The following PTPN9 variants were observed in gnomAD, a reference collection of about 807,000 sequenced individuals.
The protein encoded by PTPN9 is protein tyrosine phosphatase non-receptor type 9, also known as tyrosine-protein phosphatase non-receptor type 9.
Under a neutral mutation model 69.8 loss-of-function variants are expected in PTPN9, and 26 were observed. The observed-to-expected ratio is 0.37, with a 90% CI of 0.27 to 0.52. The LOEUF (loss-of-function observed/expected upper bound fraction) is 0.52. PTPN9 is among the 20% of genes least tolerant of loss of function. The pLI is 0.91. For missense variants in PTPN9, 549 were observed against 740.3 expected (o/e 0.74, Z 3.00); for synonymous variants, 274 against 272.5 (o/e 1.01, Z -0.05).
chr15:75,497,153 G>A (rs1299840378), intron 7 of PTPN9, among the ~76,000 whole-genome samples: 1 of 152,104 alleles, frequency 6.6e-6, no homozygotes, highest in South Asian at 2.1e-4. Flanking sequence ...ATGCGGATTA[G>A]AAGGAATTTC....
At chr15:75,520,383 T>C (rs2074896518) in intron 4 of PTPN9, among the ~76,000 whole-genome samples, 1 of 152,052 alleles carries the variant, frequency 6.6e-6, no homozygotes, top group Admixed American at 6.6e-5. Context: ...GTGCTCATCC[T>C]GTGAAGGCAC....
intron 1 of PTPN9, among the ~76,000 whole-genome samples, chr15:75,574,668 C>T (rs1371173589): frequency 6.6e-6 from 1 of 151,824 alleles, no homozygotes; most frequent in Non-Finnish European, 1.5e-5. Flanking sequence ...GAGCCAGGCG[C>T]GGTGGCTCAC....
chr15:75,571,568 G>C (rs1020553412), intron 1 of PTPN9, among the ~76,000 whole-genome samples: 2 of 151,970 alleles, frequency 1.3e-5, no homozygotes, highest in South Asian at 2.1e-4. Context: ...GACCAGCCTG[G>C]GCAACATAGT....
At chr15:75,487,430 G>A (rs576606673) in intron 8 of PTPN9, 3 of 152,138 alleles carry the variant, frequency 2.0e-5, no homozygotes, top group South Asian at 4.1e-4. Flanking sequence ...TAAGGAGAGG[G>A]ACTACAAATC....
At chr15:75,525,456 A>G (rs2074923337) in intron 2 of PTPN9, among the ~76,000 whole-genome samples, 1 of 151,186 alleles carries the variant, frequency 6.6e-6, no homozygotes. Context: ...GGCCTCCCAA[A>G]GTGCTGGGAT....
intron 5 of PTPN9, among the ~76,000 whole-genome samples, chr15:75,516,581 A>C (rs981011011): frequency 6.7e-6 from 1 of 149,134 alleles, no homozygotes; most frequent in African/African-American, 2.5e-5. Context: ...CAAAGTGCTG[A>C]GATTACTGGT....
chr15:75,511,984 G>A (rs1280483745), intron 5 of PTPN9, among the ~76,000 whole-genome samples: 2 of 151,340 alleles, frequency 1.3e-5, no homozygotes, highest in African/African-American at 2.4e-5. Flanking sequence ...CTGGGATTAC[G>A]GGCGTGTGCC....
At chr15:75,534,879 G>A (rs374843158) in intron 1 of PTPN9, among the ~76,000 whole-genome samples, 13 of 151,978 alleles carry the variant, frequency 8.6e-5, no homozygotes, top group African/African-American at 2.9e-4. Flanking sequence ...AGGCTGATGC[G>A]GGAGAATAGC....
At chr15:75,501,908 A>G (rs571479584) in intron 7 of PTPN9, among the ~76,000 whole-genome samples, 19 of 152,264 alleles carry the variant, frequency 1.2e-4, no homozygotes, top group South Asian at 2.1e-4. Context: ...CTGTAATCCC[A>G]ACACTTTGGG....
intron 9 of PTPN9, among the ~76,000 whole-genome samples, chr15:75,474,218 T>C (rs971834263): frequency 3.3e-5 from 5 of 152,222 alleles, no homozygotes; most frequent in African/African-American, 1.2e-4. Flanking sequence ...AGTCTCCTCC[T>C]TCAAAATTAG....
chr15:75,569,544 A>G (rs1490104422), intron 1 of PTPN9, among the ~76,000 whole-genome samples: 1 of 151,896 alleles, frequency 6.6e-6, no homozygotes, highest in Non-Finnish European at 1.5e-5. Flanking sequence ...ATCTCTACAA[A>G]AAATACAAAA....
chr15:75,546,460 G>T (rs1331811577), intron 1 of PTPN9, among the ~76,000 whole-genome samples: 1 of 152,046 alleles, frequency 6.6e-6, no homozygotes, highest in Non-Finnish European at 1.5e-5. Context: ...TGGCTAACAT[G>T]GTGAAACCCC....
At chr15:75,515,897 C>T (rs1441631468) in intron 5 of PTPN9, among the ~76,000 whole-genome samples, 1 of 150,622 alleles carries the variant, frequency 6.6e-6, no homozygotes, top group Non-Finnish European at 1.5e-5. Flanking sequence ...GACTCCATCT[C>T]AAAAAACATA....
intron 7 of PTPN9, among the ~76,000 whole-genome samples, chr15:75,491,695 T>A (rs984746260): frequency 6.6e-6 from 1 of 152,150 alleles, no homozygotes; most frequent in East Asian, 1.9e-4. Context: ...ACCTAAGTGA[T>A]ACTGATCAGA....
chr15:75,572,487 A>T lies in PTPN9; in HGVS notation c.63+6227T>A, dbSNP rs374385014. 5.9e-5 allele frequency among the ~76,000 whole-genome samples: 9 copies of T among 152,132 alleles called. No homozygotes were observed. In the East Asian group the frequency reaches 1.3e-3, roughly 23 times the overall value. On this transcript the variant is annotated intron_variant, in intron 1 of 12. Transcript: ENST00000618819. ...CACTTGGGGAGGCCAAGGCAGGCTG[A>T]TCACTTGAGATCAGGAGTTGGAGAC...
At chr15:75,552,646 C>T (rs2075061210) in intron 1 of PTPN9, among the ~76,000 whole-genome samples, 1 of 151,460 alleles carries the variant, frequency 6.6e-6, no homozygotes, top group Non-Finnish European at 1.5e-5. Flanking sequence ...ATAGGATAAG[C>T]TATGCTCAGT....
At chr15:75,521,073 A>C (rs2074902517) in intron 4 of PTPN9, among the ~76,000 whole-genome samples, 1 of 151,970 alleles carries the variant, frequency 6.6e-6, no homozygotes, top group African/African-American at 2.4e-5. Context: ...CTGGTCTCGA[A>C]CTTCTGGGCT....
In PTPN9 at chr15:75,523,185, G is replaced by C. The variant is rs766174800; in HGVS notation, c.358C>G (p.His120Asp). 9.3e-6 allele frequency: 15 copies of C among 1,614,066 alleles called. No homozygotes were observed. The highest frequency in any genetic ancestry group is 1.7e-5 in the Admixed American group (1 of 60,004). ...AGTACCACATGTTGGACTGACTTGT[G>C]GGGATGATGCAACCTGGCAGTAAAG... ...ALFTARLHHP[H>D]KSVQHVVLQA... The change falls in exon 4 of 13, where the codon CAC (histidine) becomes GAC (aspartate). Residue 120 changes from histidine (H) to aspartate (D), a missense_variant. Physicochemically the swap from His to Asp is moderately conservative, Grantham distance 81. Coordinates refer to ENST00000618819, the MANE Select transcript of PTPN9 (RefSeq NM_002833.4).
At chr15:75,524,543 C>T (rs182773894) in intron 2 of PTPN9, among the ~76,000 whole-genome samples, 1 of 152,074 alleles carries the variant, frequency 6.6e-6, no homozygotes, top group Non-Finnish European at 1.5e-5. Context: ...TTTGAGAGGC[C>T]AAGGCGGGCA....
Sources: allele counts gnomAD v4.1 joint callset (sites outside exome capture counted in the v4.1 genomes callset), GRCh38; gene constraint gnomAD v4.1.1; transcripts MANE v1.5; gene names NCBI Gene and HGNC (gene_info 2026-07-23, HGNC 2026-07-21).